Variants in SLAMF1 observed in about 807,000 individuals in gnomAD.
SLAMF1 encodes signaling lymphocytic activation molecule family member 1, also known as signaling lymphocytic activation molecule.
A neutral mutation model predicts 35.1 loss-of-function variants in SLAMF1; 18 were observed. That is an observed-to-expected ratio of 0.51 (90% CI 0.35 to 0.76). The LOEUF is 0.76. Ranked by LOEUF, SLAMF1 falls within the 30% of genes least tolerant of loss-of-function variation. SLAMF1 has a pLI of 0.01. For missense variants in SLAMF1, 392 were observed against 413.0 expected, an observed-to-expected ratio of 0.95 and a Z score of 0.44; for synonymous variants, 168 against 157.2, an observed-to-expected ratio of 1.07 and a Z score of -0.51.
rs923662073 is a variant in SLAMF1, at chr1:160,642,279, C to T, written c.76+4591G>A. Among the ~76,000 whole-genome samples the T allele has an allele frequency of 6.6e-6, 1 of 152,164 alleles. No homozygotes were observed. The highest frequency in any genetic ancestry group is 2.4e-5 in the African/African-American group (1 of 41,426). ...TCTTAGACTATTAGTATGTACGTTC[C>T]CTAGCCTTAGAGGCTATAACCACTC... is the stretch of plus-strand genomic sequence containing the variant. On this transcript the variant is annotated intron_variant, in intron 1 of 6. Transcript: ENST00000302035. This position sits in a 1 kb window ranked among gnomAD's most constrained non-coding sequence, Gnocchi z 4.2.
intron 3 of SLAMF1, among the ~76,000 whole-genome samples, chr1:160,624,399 T>G (rs1316599044): frequency 6.6e-6 from 1 of 152,210 alleles, no homozygotes; most frequent in Non-Finnish European, 1.5e-5. Context: ...ACTTTCACAT[T>G]CTTAATTTCA....
chr1:160,613,780 C>G (rs546932974), intron 5 of SLAMF1, among the ~76,000 whole-genome samples: 2 of 152,278 alleles, frequency 1.3e-5, no homozygotes, highest in East Asian at 3.9e-4. Flanking sequence ...TTCAATTTGC[C>G]TATAAAGTAT....
chr1:160,643,853 A>G (rs1290668934), intron 1 of SLAMF1, among the ~76,000 whole-genome samples: 1 of 152,210 alleles, frequency 6.6e-6, no homozygotes, highest in Non-Finnish European at 1.5e-5. Context: ...AAACACGAAG[A>G]CCTATACATT....
chr1:160,624,062 T>G, intron 4 of SLAMF1, 34 bp downstream of exon 4: 1 of 1,417,184 alleles, frequency 7.1e-7, no homozygotes, highest in Non-Finnish European at 9.8e-7. Flanking sequence ...CCACAGAGAG[T>G]GTGATAAGAA....
chr1:160,626,419 A>G (rs1028101605), intron 3 of SLAMF1, among the ~76,000 whole-genome samples: 7 of 152,244 alleles, frequency 4.6e-5, no homozygotes, highest in African/African-American at 9.6e-5. Flanking sequence ...CCTTTGTCCT[A>G]TGACAAGCTT....
At chr1:160,639,544 TA>T (rs1280960359) in intron 1 of SLAMF1, among the ~76,000 whole-genome samples, 2 of 152,136 alleles carry the variant, frequency 1.3e-5, no homozygotes, top group African/African-American at 4.8e-5. Flanking sequence ...ACACTCATTT[TA>T]ACAGCAAATC....
intron 5 of SLAMF1, 53 bp downstream of exon 5, chr1:160,619,723 G>A (rs1457759601): frequency 2.6e-6 from 3 of 1,158,510 alleles, no homozygotes; most frequent in Middle Eastern, 1.9e-4. Context: ...AGACTGGCCA[G>A]GAATACTCTA....
chr1:160,633,875 T>A (rs969418497), intron 3 of SLAMF1, among the ~76,000 whole-genome samples: 1 of 152,256 alleles, frequency 6.6e-6, no homozygotes, highest in Non-Finnish European at 1.5e-5. Flanking sequence ...TTAAATGGTA[T>A]GAACGTCAAT....
At chr1:160,646,438 G>T (rs1235554900) in intron 1 of SLAMF1, among the ~76,000 whole-genome samples, 1 of 152,202 alleles carries the variant, frequency 6.6e-6, no homozygotes, top group Non-Finnish European at 1.5e-5. Flanking sequence ...TTGTCAGCCT[G>T]CATGTGCACA....
At chr1:160,635,728 T>G (rs1425245369) in intron 2 of SLAMF1, among the ~76,000 whole-genome samples, 1 of 141,250 alleles carries the variant, frequency 7.1e-6, no homozygotes, top group Non-Finnish European at 1.5e-5. Context: ...CCCACCACCA[T>G]GCTGAGCTAA....
In SLAMF1 at chr1:160,610,683, C is replaced by T; in HGVS notation, c.*65G>A. The T allele has an allele frequency of 7.9e-7, 1 of 1,261,364 alleles. No homozygotes were observed. The highest frequency in any genetic ancestry group is 2.3e-5 in the East Asian group (1 of 43,198). The allele number at this position is 1,261,364 out of a possible 1,614,324, so 78.1% of individuals were successfully genotyped here. A position where few individuals can be genotyped will look rare whatever the true frequency, so the allele number is the denominator to read the frequency against. ...CCAGAGGAAACTTGGGGCCTGTGGCCAAGTTCAGTGTTCATTTTGGTTTTT... is the reference window on the plus strand; with the variant it reads ...CCAGAGGAAACTTGGGGCCTGTGGCTAAGTTCAGTGTTCATTTTGGTTTTT... On this transcript the variant is annotated 3_prime_UTR_variant, in exon 7 of 7. Transcript: ENST00000302035.
intron 5 of SLAMF1, among the ~76,000 whole-genome samples, chr1:160,614,012 G>A (rs1327883752): frequency 2.6e-5 from 4 of 152,166 alleles, no homozygotes; most frequent in East Asian, 1.9e-4. Flanking sequence ...ATTCTATTTC[G>A]GAAGATCTGG....
rs531544391 is a variant in SLAMF1 at position 160,622,991 on chromosome 1, A to G, written c.790+1105T>C. Among the ~76,000 whole-genome samples the G allele has an allele frequency of 1.6e-3, 245 of 152,316 alleles. 1 individual carries two copies. Among genetic ancestry groups the G allele is most frequent in the African/African-American group, 5.5e-3 (230 of 41,574 alleles). On this transcript the variant is annotated intron_variant, in intron 4 of 6. Coordinates refer to ENST00000302035, the MANE Select transcript of SLAMF1 (RefSeq NM_003037.5). ...CAGTTTTGTGTGTTGCTAACTTACA[A>G]GGGACAAATGGTGAATGGGGTTGAG...
chr1:160,644,996 T>C (rs1473837503), intron 1 of SLAMF1, among the ~76,000 whole-genome samples: 1 of 152,192 alleles, frequency 6.6e-6, no homozygotes, highest in African/African-American at 2.4e-5. Flanking sequence ...GCTATGTATG[T>C]ATGGGGCAGA....
At chr1:160,625,857 G>A (rs1659856987) in intron 3 of SLAMF1, among the ~76,000 whole-genome samples, 1 of 151,572 alleles carries the variant, frequency 6.6e-6, no homozygotes, top group East Asian at 1.9e-4. Context: ...GTGTGTGTAT[G>A]TGTGTATGTG....
chr1:160,615,221 A>C (rs1351370933), intron 5 of SLAMF1, among the ~76,000 whole-genome samples: 1 of 144,718 alleles, frequency 6.9e-6, no homozygotes, highest in African/African-American at 2.5e-5. Context: ...GTCTAAGTAT[A>C]TATTTATATA....
chr1:160,635,467 T>C (rs1660399375), intron 2 of SLAMF1, among the ~76,000 whole-genome samples: 1 of 152,218 alleles, frequency 6.6e-6, no homozygotes, highest in Non-Finnish European at 1.5e-5. Flanking sequence ...CTCATCAATC[T>C]ATCCCACTCT....
Position 160,609,026 on chromosome 1 carries a change from G to T in SLAMF1, c.*1722C>A, listed in dbSNP as rs908926636. On this transcript the variant is annotated 3_prime_UTR_variant, in exon 7 of 7. Coordinates refer to ENST00000302035, the MANE Select transcript of SLAMF1 (RefSeq NM_003037.5). ...CCCAGACTTTGAATTATAAGCTAGA[G>T]ATGAAAGGATGAAGAAGGGACCCTG... The T allele has an allele frequency of 6.6e-6, 1 of 152,222 alleles. No homozygotes were observed. Among genetic ancestry groups the T allele is most frequent in the Non-Finnish European group, 1.5e-5 (1 of 68,086 alleles). 9.4% of individuals were successfully genotyped at this position (152,222 alleles called of 1,614,324 possible). A position where few individuals can be genotyped will look rare whatever the true frequency, so the allele number is the denominator to read the frequency against.
chr1:160,646,204 C>A (rs1428222754), intron 1 of SLAMF1, among the ~76,000 whole-genome samples: 1 of 152,218 alleles, frequency 6.6e-6, no homozygotes, highest in East Asian at 1.9e-4. Context: ...GAGCTACTCT[C>A]TGAGGGTTCC....
Sources: gnomAD v4.1 joint callset for allele counts (sites outside exome capture counted in the v4.1 genomes callset) on GRCh38, gnomAD v4.1.1 for gene constraint, Gnocchi (gnomAD v3.1) non-coding constraint, MANE v1.5 for transcripts, NCBI Gene and HGNC (gene_info 2026-07-23, HGNC 2026-07-21) for gene names.